The following ZRANB3 variants were observed in gnomAD, a reference collection of about 807,000 sequenced individuals.
ZRANB3 encodes zinc finger RANBP2-type containing 3, also known as DNA annealing helicase and endonuclease ZRANB3.
Under a neutral mutation model 133.8 loss-of-function variants are expected in ZRANB3, and 125 were observed. The observed-to-expected ratio is 0.93, with a 90% CI of 0.81 to 1.08. The LOEUF (loss-of-function observed/expected upper bound fraction) is 1.08. Among genes scored for constraint, ZRANB3 ranks in the 50% least tolerant of loss-of-function variants. The pLI is 0.00. For missense variants in ZRANB3, 1,229 were observed against 1,275.5 expected, an observed-to-expected ratio of 0.96 and a Z score of 0.56; for synonymous variants, 387 against 432.7, an observed-to-expected ratio of 0.89 and a Z score of 1.31.
intron 2 of ZRANB3, among the ~76,000 whole-genome samples, chr2:135,427,585 A>G (rs905147929): frequency 6.6e-6 from 1 of 152,250 alleles, no homozygotes; most frequent in Non-Finnish European, 1.5e-5. Context: ...TTCCATGCTC[A>G]TGAATAGGAT....
At chr2:135,386,111 T>C (rs780803189) in intron 3 of ZRANB3, among the ~76,000 whole-genome samples, 9 of 151,770 alleles carry the variant, frequency 5.9e-5, no homozygotes, top group Non-Finnish European at 1.3e-4. Flanking sequence ...AGGGCTAATA[T>C]CCAGAATCTA....
intron 12 of ZRANB3, among the ~76,000 whole-genome samples, chr2:135,248,388 T>C (rs2105091974): frequency 6.6e-6 from 1 of 152,286 alleles, no homozygotes; most frequent in East Asian, 1.9e-4. Context: ...AAAGTTCTCA[T>C]GACAACACCA....
intron 6 of ZRANB3, among the ~76,000 whole-genome samples, chr2:135,333,017 G>C (rs1684220124): frequency 6.6e-6 from 1 of 152,126 alleles, no homozygotes; most frequent in African/African-American, 2.4e-5. Flanking sequence ...CTGTATCCAG[G>C]CTGCTGGGTG....
At chr2:135,408,062 T>G (rs1688126735) in intron 2 of ZRANB3, among the ~76,000 whole-genome samples, 1 of 151,694 alleles carries the variant, frequency 6.6e-6, no homozygotes, top group African/African-American at 2.4e-5. Context: ...AGAAAATTTT[T>G]GCAATCTACC....
chr2:135,422,248 C>G (rs754862001), intron 2 of ZRANB3, among the ~76,000 whole-genome samples: 2 of 152,088 alleles, frequency 1.3e-5, no homozygotes, highest in African/African-American at 2.4e-5. Context: ...CACTGTTTCT[C>G]CTTTCCTCTC....
chr2:135,388,154 G>A (rs935036292), intron 3 of ZRANB3, among the ~76,000 whole-genome samples: 4 of 152,314 alleles, frequency 2.6e-5, no homozygotes, highest in South Asian at 2.1e-4. Flanking sequence ...GCAAGAGAGC[G>A]TGTGCAGGGG....
At chr2:135,200,757 T>TG (rs1267348794) in intron 20 of ZRANB3, among the ~76,000 whole-genome samples, 3 of 138,462 alleles carry the variant, frequency 2.2e-5, no homozygotes, top group African/African-American at 1.0e-4. Context: ...TGGGAGGTTT[T>TG]TTTTTTTTTT....
intron 3 of ZRANB3, among the ~76,000 whole-genome samples, chr2:135,370,108 G>T (rs1250453403): frequency 6.9e-6 from 1 of 143,966 alleles, no homozygotes; most frequent in African/African-American, 2.6e-5. Context: ...ATAATTTTGT[G>T]TGTTTTGAGG....
rs923228194 is a variant in ZRANB3 at position 135,213,819 on chromosome 2, T to C, written c.2495+3646A>G. Reference sequence around the variant, plus strand: ...GACTTTACAGATATAATTAGATTACTAATCAGCTCACTTTAAGATAGGGAG... The same window carrying C: ...GACTTTACAGATATAATTAGATTACCAATCAGCTCACTTTAAGATAGGGAG... On this transcript the variant is annotated intron_variant, in intron 17 of 20. Transcript: ENST00000264159. 3.9e-5 allele frequency among the ~76,000 whole-genome samples: 6 copies of C among 152,300 alleles called. No individual in the cohort carries two copies. The East Asian group carries it at 9.6e-4, about 24-fold the overall frequency.
chr2:135,395,459 T>A (rs1440123014), intron 2 of ZRANB3, among the ~76,000 whole-genome samples: 9 of 150,204 alleles, frequency 6.0e-5, no homozygotes, highest in South Asian at 2.1e-4. Flanking sequence ...TTTTTTTTTT[T>A]AATTTTTTTT....
At chr2:135,257,157 TG>T (rs1333655649) in intron 12 of ZRANB3, among the ~76,000 whole-genome samples, 2 of 152,242 alleles carry the variant, frequency 1.3e-5, no homozygotes, top group African/African-American at 4.8e-5. Context: ...CCCATGCCAC[TG>T]CTCTGCCTAT....
intron 6 of ZRANB3, among the ~76,000 whole-genome samples, chr2:135,342,455 T>C (rs892425981): frequency 1.3e-5 from 2 of 149,954 alleles, no homozygotes; most frequent in Non-Finnish European, 2.9e-5. Flanking sequence ...TAAATAATGA[T>C]AACTTTTTCT....
intron 3 of ZRANB3, among the ~76,000 whole-genome samples, chr2:135,362,830 T>C (rs1404824505): frequency 6.6e-6 from 1 of 152,116 alleles, no homozygotes; most frequent in East Asian, 1.9e-4. Flanking sequence ...TAGTGGCAGT[T>C]AGATGTTATG....
At position 135,206,460 on chromosome 2, in the gene ZRANB3, G is replaced by A. The variant is rs149411726; in HGVS notation, c.3009+974C>T. ...TCTCCATATTGGCCAGGCTGGTCTC[G>A]AACTCCTGACCTCAGGTGATACACC... On this transcript the variant is annotated intron_variant, in intron 19 of 20. Transcript: ENST00000264159. Among the ~76,000 whole-genome samples the A allele has an allele frequency of 1.1e-3, 174 of 151,902 alleles. 1 individual carries two copies. Among genetic ancestry groups the A allele is most frequent in the African/African-American group, 4.0e-3 (166 of 41,432 alleles).
chr2:135,430,412 ATATAT>A (rs1689267772), intron 2 of ZRANB3, among the ~76,000 whole-genome samples: 2 of 151,952 alleles, frequency 1.3e-5, no homozygotes, highest in Non-Finnish European at 2.9e-5. Context: ...TGACTTTCTA[ATATAT>A]TATAAAGTAA....
At position 135,315,530 on chromosome 2, in the gene ZRANB3, T is replaced by C; in HGVS notation, c.678A>G (p.Arg226=). 4.0e-6 allele frequency: 6 copies of C among 1,495,100 alleles called. No individual in the cohort carries two copies. The highest frequency in any genetic ancestry group is 3.6e-6 in the Non-Finnish European group (4 of 1,125,740). The allele number at this position is 1,495,100 out of a possible 1,614,324, so 92.6% of individuals were successfully genotyped here. The change falls in exon 7 of 21, where the codon AGA becomes AGG. Residue 226 remains arginine (R), a splice_region_variant and synonymous_variant. Transcript: ENST00000264159. ...YAKRYCNAHI[R]YFGKRPQWDC... ...CCCACTGAGGTCTTTTACCAAAATA[T>C]CTGTTAAAATGAAGACAAAACATGT...
intron 2 of ZRANB3, among the ~76,000 whole-genome samples, chr2:135,433,990 C>T (rs1355893265): frequency 1.3e-5 from 2 of 151,802 alleles, no homozygotes; most frequent in African/African-American, 2.4e-5. Context: ...AGCAAGACTC[C>T]GTCTCAAAAC....
intron 2 of ZRANB3, among the ~76,000 whole-genome samples, chr2:135,469,487 A>T (rs1290799220): frequency 6.6e-6 from 1 of 152,204 alleles, no homozygotes; most frequent in Non-Finnish European, 1.5e-5. Flanking sequence ...TAATAAATTT[A>T]AATTCATTTT....
At chr2:135,514,335 T>A (rs1011706304) in intron 1 of ZRANB3, among the ~76,000 whole-genome samples, 1 of 152,200 alleles carries the variant, frequency 6.6e-6, no homozygotes, top group African/African-American at 2.4e-5. Context: ...GGTTTGTAGT[T>A]CTCCTTGAAG....
Sources: allele counts gnomAD v4.1 joint callset (sites outside exome capture counted in the v4.1 genomes callset), GRCh38; gene constraint gnomAD v4.1.1; transcripts MANE v1.5; gene names NCBI Gene and HGNC (gene_info 2026-07-23, HGNC 2026-07-21).